ZCCHC24: variants seen among roughly 807,000 people sequenced by gnomAD.
ZCCHC24 encodes the protein zinc finger CCHC-type containing 24.
Under a neutral mutation model 26.2 loss-of-function variants are expected in ZCCHC24, and 10 were observed. The observed-to-expected ratio is 0.38, with a 90% confidence interval of 0.24 to 0.65. The LOEUF is 0.65. Ranked by LOEUF, ZCCHC24 falls within the 30% of genes least tolerant of loss-of-function variation. ZCCHC24 has a pLI of 0.54. For missense variants in ZCCHC24, 243 were observed against 329.1 expected, an observed-to-expected ratio of 0.74 and a Z score of 2.03; for synonymous variants, 144 against 147.1, an observed-to-expected ratio of 0.98 and a Z score of 0.15.
At chr10:79,391,184 G>A (rs1205819626) in intron 3 of ZCCHC24, among the ~76,000 whole-genome samples, 3 of 152,158 alleles carry the variant, frequency 2.0e-5, no homozygotes, top group African/African-American at 7.2e-5. Context: ...TGGAAGAGGG[G>A]AAGGGCCCAG....
intron 2 of ZCCHC24, among the ~76,000 whole-genome samples, chr10:79,417,014 C>T (rs569626431): frequency 4.6e-5 from 7 of 152,346 alleles, no homozygotes; most frequent in South Asian, 2.1e-4. Context: ...GCCACAGCAA[C>T]GCAATGGCTC....
At position 79,402,943 on chromosome 10, in the gene ZCCHC24, A is replaced by G. The variant is rs575606250; in HGVS notation, c.448-8503T>C. ...ATATTCATTTGTTCACCTAATTTAC[A>G]CTGAGCACCCACTCTGCACCAGGCT... On this transcript the variant is annotated intron_variant, in intron 2 of 3. Coordinates refer to ENST00000372336, the MANE Select transcript of ZCCHC24 (RefSeq NM_153367.4). Among the ~76,000 whole-genome samples the G allele has an allele frequency of 2.0e-5, 3 of 152,314 alleles. No individual in the cohort carries two copies. The South Asian group carries it at 6.2e-4, about 32-fold the overall frequency.
chr10:79,387,313 A>G (rs1856410722), intron 3 of ZCCHC24, among the ~76,000 whole-genome samples: 1 of 152,132 alleles, frequency 6.6e-6, no homozygotes, highest in African/African-American at 2.4e-5. Context: ...GGGGACTGGG[A>G]GGATCCAGAG....
At chr10:79,435,216 T>C (rs1857199726) in intron 1 of ZCCHC24, among the ~76,000 whole-genome samples, 1 of 152,166 alleles carries the variant, frequency 6.6e-6, no homozygotes, top group South Asian at 2.1e-4. Context: ...TTCTTTTTTT[T>C]TTATTTTTAT....
At chr10:79,444,234 A>G in intron 1 of ZCCHC24, 2 of 1,483,460 alleles carry the variant, frequency 1.3e-6, no homozygotes, top group Admixed American at 2.4e-5. Context: ...GAAATTCCCA[A>G]ATGAGGCAGG....
chr10:79,411,205 G>C (rs1856786706), intron 2 of ZCCHC24, among the ~76,000 whole-genome samples: 1 of 152,162 alleles, frequency 6.6e-6, no homozygotes, highest in Non-Finnish European at 1.5e-5. Context: ...GCCCTTGGGG[G>C]TATGATCCAC....
intron 2 of ZCCHC24, among the ~76,000 whole-genome samples, chr10:79,415,334 A>T (rs1856845044): frequency 6.6e-6 from 1 of 152,144 alleles, no homozygotes; most frequent in Admixed American, 6.5e-5. Flanking sequence ...CCTTGAAGTC[A>T]AAATGGTCTC....
rs370845465 is a variant in ZCCHC24, at chr10:79,386,261, A to G, written c.*84T>C. 13 of 1,338,300 alleles carry G rather than the reference A, an allele frequency of 9.7e-6. No homozygotes were observed. The African/African-American group carries it at 1.0e-4, about 10-fold the overall frequency. 82.9% of individuals were successfully genotyped at this position (1,338,300 alleles called of 1,614,324 possible). A position where few individuals can be genotyped will look rare whatever the true frequency, so the allele number is the denominator to read the frequency against. On this transcript the variant is annotated 3_prime_UTR_variant, in exon 4 of 4. Transcript: ENST00000372336. ...GCGAGGGCACCCCATGCACAGGGCG[A>G]CACGCAGCCCCTCGGAGTAGCACAG...
intron 2 of ZCCHC24, among the ~76,000 whole-genome samples, chr10:79,431,645 T>C (rs1053403240): frequency 6.6e-6 from 1 of 152,134 alleles, no homozygotes; most frequent in African/African-American, 2.4e-5. Context: ...CTCCCACTGG[T>C]CCTGAAGGGA....
intron 2 of ZCCHC24, among the ~76,000 whole-genome samples, chr10:79,402,301 A>G (rs1856644104): frequency 6.6e-6 from 1 of 151,460 alleles, no homozygotes; most frequent in Non-Finnish European, 1.5e-5. Flanking sequence ...TTTGAGACGG[A>G]GTCTCGCTCT....
At chr10:79,412,833 G>A (rs1288686679) in intron 2 of ZCCHC24, among the ~76,000 whole-genome samples, 2 of 152,208 alleles carry the variant, frequency 1.3e-5, no homozygotes, top group East Asian at 1.9e-4. Context: ...TGTAAGTAGG[G>A]ATAATAAGAT....
rs114799154 is a variant in ZCCHC24 at position 79,385,728 on chromosome 10, G to A, written c.*617C>T. The A allele has an allele frequency of 0.011, 1,814 of 160,504 alleles. 42 individuals are homozygous for A. The highest frequency in any genetic ancestry group is 0.041 in the African/African-American group (1,711 of 41,864). 9.9% of individuals were successfully genotyped at this position (160,504 alleles called of 1,614,324 possible). On this transcript the variant is annotated 3_prime_UTR_variant, in exon 4 of 4. Transcript: ENST00000372336. The surrounding 1 kb of genome is among the most constrained non-coding windows in gnomAD (Gnocchi z 4.3). Reference sequence around the variant, plus strand: ...AACCCCTCCTATCTGGGTCCATAGCGTGGGGAGGGGGGCACACCCAGGTGC... The same window carrying A: ...AACCCCTCCTATCTGGGTCCATAGCATGGGGAGGGGGGCACACCCAGGTGC...
Position 79,424,802 on chromosome 10 carries a change from C to T in ZCCHC24, c.447+7756G>A, listed in dbSNP as rs541773141. ...GCTGTGGCCCAGGGCTCACAGTGCC[C>T]GGAAAGCATATTCCTGTTATTTACA... On this transcript the variant is annotated intron_variant, in intron 2 of 3. Coordinates refer to ENST00000372336, the MANE Select transcript of ZCCHC24 (RefSeq NM_153367.4). Among the ~76,000 whole-genome samples, 424 of 152,304 alleles carry T rather than the reference C, an allele frequency of 2.8e-3. 2 individuals are homozygous for T. The highest frequency in any genetic ancestry group is 9.6e-3 in the African/African-American group (398 of 41,562).
chr10:79,415,440 T>A (rs937387138), intron 2 of ZCCHC24, among the ~76,000 whole-genome samples: 4 of 152,222 alleles, frequency 2.6e-5, no homozygotes, highest in Non-Finnish European at 5.9e-5. Flanking sequence ...GGATGGAGTC[T>A]TCAGTGTCCT....
chr10:79,409,517 C>G (rs1489871095), intron 2 of ZCCHC24, among the ~76,000 whole-genome samples: 4 of 152,156 alleles, frequency 2.6e-5, no homozygotes, highest in Non-Finnish European at 4.4e-5. Flanking sequence ...CTGGGCCCAG[C>G]GTGGGTCTGG....
rs374696602 is a variant in ZCCHC24 at position 79,423,595 on chromosome 10, A to T, written c.447+8963T>A. Among the ~76,000 whole-genome samples the T allele has an allele frequency of 1.9e-3, 104 of 55,486 alleles. 3 individuals are homozygous for T. Among genetic ancestry groups the T allele is most frequent in the African/African-American group, 4.3e-3 (78 of 18,316 alleles). 36.4% of individuals were successfully genotyped at this position (55,486 alleles called of 152,430 possible). On this transcript the variant is annotated intron_variant, in intron 2 of 3. Transcript: ENST00000372336. ...AAATATATATACTATATATATATAT[A>T]TATATATATATATATTTTCTGACTG...
At chr10:79,419,234 C>A (rs1013461706) in intron 2 of ZCCHC24, among the ~76,000 whole-genome samples, 1 of 152,172 alleles carries the variant, frequency 6.6e-6, no homozygotes, top group Non-Finnish European at 1.5e-5. Flanking sequence ...GGAAGCCCCA[C>A]GGCCTAACAA....
intron 2 of ZCCHC24, among the ~76,000 whole-genome samples, chr10:79,422,052 G>A (rs968760618): frequency 8.5e-5 from 13 of 152,126 alleles, no homozygotes; most frequent in African/African-American, 2.9e-4. Context: ...AAGCCTGAGA[G>A]CCTTCCCTTC....
At chr10:79,437,040 T>C (rs994886094) in intron 1 of ZCCHC24, among the ~76,000 whole-genome samples, 2 of 152,294 alleles carry the variant, frequency 1.3e-5, no homozygotes, top group African/African-American at 2.4e-5. Flanking sequence ...GAAGACGTTA[T>C]AGTTTACTTT....
Sources: gnomAD v4.1 joint callset for allele counts (sites outside exome capture counted in the v4.1 genomes callset) on GRCh38, gnomAD v4.1.1 for gene constraint, Gnocchi (gnomAD v3.1) non-coding constraint, MANE v1.5 for transcripts, NCBI Gene and HGNC (gene_info 2026-07-23, HGNC 2026-07-21) for gene names.